Variants in PIEZO2 observed in about 807,000 individuals in gnomAD.
PIEZO2 encodes piezo type mechanosensitive ion channel component 2, also known as piezo-type mechanosensitive ion channel component 2.
In PIEZO2, 172 loss-of-function variants were observed where a neutral mutation model predicts 337.3. The observed-to-expected ratio is 0.51, with a 90% CI of 0.45 to 0.58. The LOEUF (loss-of-function observed/expected upper bound fraction) is 0.58. Among genes scored for constraint, PIEZO2 ranks in the 20% least tolerant of loss-of-function variants. The pLI, the probability that PIEZO2 is intolerant of heterozygous loss-of-function variation, is 0.00. For synonymous variants in PIEZO2, 1,251 were observed against 1,228.5 expected, an observed-to-expected ratio of 1.02 and a Z score of -0.38; for missense variants, 3,028 against 3,391.3, an observed-to-expected ratio of 0.89 and a Z score of 2.66.
chr18:10,766,845 C>T lies in PIEZO2; in HGVS notation c.2946+3303G>A, dbSNP rs1480265015. Among the ~76,000 whole-genome samples, 3 of 152,222 alleles carry T rather than the reference C, an allele frequency of 2.0e-5. No individual in the cohort carries two copies. Among genetic ancestry groups the T allele is most frequent in the Non-Finnish European group, 4.4e-5 (3 of 68,042 alleles). On this transcript the variant is annotated intron_variant, in intron 21 of 55. Coordinates refer to ENST00000674853, the MANE Select transcript of PIEZO2 (RefSeq NM_001378183.1). This position sits in a 1 kb window ranked among gnomAD's most constrained non-coding sequence, Gnocchi z 6.1. ...CTACACTAGCACCTAGCACCATGTA[C>T]GCATTCACTTTATTGTGAGTCCTTA...
chr18:10,879,435 G>A (rs2042354758), intron 4 of PIEZO2, among the ~76,000 whole-genome samples: 1 of 109,810 alleles, frequency 9.1e-6, no homozygotes, highest in Non-Finnish European at 1.7e-5. Flanking sequence ...TTGCGCTGTT[G>A]CCCAGGCTGG....
At position 10,704,445 on chromosome 18, in the gene PIEZO2, G is replaced by A. The variant is rs776951650; in HGVS notation, c.6207C>T (p.Ser2069=). The A allele has an allele frequency of 9.6e-5, 147 of 1,537,204 alleles. 1 individual carries two copies. Among genetic ancestry groups the A allele is most frequent in the Admixed American group, 5.7e-4 (29 of 50,996 alleles). The change falls in exon 42 of 56, where the codon TCC becomes TCT. Residue 2069 remains serine (S), a synonymous_variant. Transcript: ENST00000674853. ...AGAACCGGCGGCTGGGCCTGGGGAC[G>A]GACAACATGGCCCAGAGGAAGATGA... The part of the protein sequence containing the change: ...PILIFLWAML[S]VPRPSRRFWM...
At chr18:11,138,460 T>C (rs1309757345) in intron 1 of PIEZO2, among the ~76,000 whole-genome samples, 1 of 152,168 alleles carries the variant, frequency 6.6e-6, no homozygotes, top group Non-Finnish European at 1.5e-5. Context: ...CTCACCCAGC[T>C]AATTTTTGTA....
chr18:10,920,594 G>A (rs1204370379), intron 3 of PIEZO2, among the ~76,000 whole-genome samples: 8 of 152,076 alleles, frequency 5.3e-5, no homozygotes, highest in East Asian at 1.9e-4. Context: ...GTTACAACTC[G>A]TTCATACCCA....
At chr18:11,037,540 T>G (rs1265979454) in intron 2 of PIEZO2, among the ~76,000 whole-genome samples, 1 of 152,198 alleles carries the variant, frequency 6.6e-6, no homozygotes, top group East Asian at 1.9e-4. Context: ...AGTCCTAAAT[T>G]GTGAAATATG....
At chr18:10,681,590 A>G (rs2034266416) in intron 51 of PIEZO2, 71 bp downstream of exon 51, 4 of 1,294,518 alleles carry the variant, frequency 3.1e-6, no homozygotes, top group Non-Finnish European at 4.5e-6. Flanking sequence ...ATGGCAAAGC[A>G]TTAAATGACA....
chr18:10,848,748 C>G (rs114027169), intron 7 of PIEZO2, among the ~76,000 whole-genome samples: 2,732 of 152,266 alleles, frequency 0.018, 88 homozygotes, highest in African/African-American at 0.063. Context: ...GACAACTTAA[C>G]GAATTGTTCA....
rs1011401676 is a variant in PIEZO2, at chr18:10,677,994, C to T, written c.7953-119G>A. ...CACCACGTTTTCATTGGGTCCACAA[C>T]GGTCAATCCTGACCCTTTCAGTCTA... On this transcript the variant is annotated intron_variant, in intron 52 of 55. Transcript: ENST00000674853. This position sits in a 1 kb window ranked among gnomAD's most constrained non-coding sequence, Gnocchi z 4.1. 6.0e-6 allele frequency: 6 copies of T among 999,564 alleles called. No homozygotes were observed. The highest frequency in any genetic ancestry group is 3.5e-5 in the South Asian group (2 of 57,400). The allele number at this position is 999,564 out of a possible 1,614,324, so 61.9% of individuals were successfully genotyped here. A position where few individuals can be genotyped will look rare whatever the true frequency, so the allele number is the denominator to read the frequency against.
At position 11,001,936 on chromosome 18, in the gene PIEZO2, AG is replaced by A. The variant is rs2035556419; in HGVS notation, c.161-22277del. Reference sequence around the variant, plus strand: ...AAGGAAGGAAGGAAGGAAGGAAGGAAGGAAGGAAGGAAGAAAAAAAGACTTG... The same window carrying A: ...AAGGAAGGAAGGAAGGAAGGAAGGAAGAAGGAAGGAAGAAAAAAAGACTTG... On this transcript the variant is annotated intron_variant, in intron 2 of 55. Transcript: ENST00000674853. The surrounding 1 kb of genome is among the most constrained non-coding windows in gnomAD (Gnocchi z 5.3). Among the ~76,000 whole-genome samples, 1 of 151,058 alleles carries A rather than the reference AG, an allele frequency of 6.6e-6. No homozygotes were observed. Among genetic ancestry groups the A allele is most frequent in the African/African-American group, 2.4e-5 (1 of 41,088 alleles).
In PIEZO2 at chr18:11,084,898, G is replaced by A. The variant is rs186101323; in HGVS notation, c.65-18676C>T. Among the ~76,000 whole-genome samples the A allele has an allele frequency of 2.4e-3, 367 of 152,204 alleles. 2 individuals are homozygous for A. Among genetic ancestry groups the A allele is most frequent in the African/African-American group, 8.5e-3 (354 of 41,546 alleles). ...GTAATAACAATTATTGCAGTAAACC[G>A]ATTCTGTCACATATCAGCTGTCCTT... On this transcript the variant is annotated intron_variant, in intron 1 of 55. Transcript: ENST00000674853.
chr18:10,925,430 G>A (rs1440980428), intron 3 of PIEZO2, among the ~76,000 whole-genome samples: 1 of 152,122 alleles, frequency 6.6e-6, no homozygotes, highest in African/African-American at 2.4e-5. Flanking sequence ...AAATATAATG[G>A]ACAGTAGGAT....
intron 4 of PIEZO2, among the ~76,000 whole-genome samples, chr18:10,885,251 T>C (rs908068509): frequency 3.3e-5 from 5 of 151,880 alleles, no homozygotes; most frequent in Admixed American, 6.6e-5. Flanking sequence ...GGTGAAACCC[T>C]GTCTCTACTA....
chr18:11,115,064 G>A (rs114719352), intron 1 of PIEZO2, among the ~76,000 whole-genome samples: 6 of 152,234 alleles, frequency 3.9e-5, no homozygotes, highest in Admixed American at 2.0e-4. Flanking sequence ...ATGTTTTCCA[G>A]GTTGCTCTAT....
chr18:10,980,113 C>G lies in PIEZO2; in HGVS notation c.161-453G>C, dbSNP rs567654215. ...ATAAGGCTAGAAAAGAAAATTATAA[C>G]CCCATGTTACTCATAACATAGATAT... On this transcript the variant is annotated intron_variant, in intron 2 of 55. Coordinates refer to ENST00000674853, the MANE Select transcript of PIEZO2 (RefSeq NM_001378183.1). This position sits in a 1 kb window ranked among gnomAD's most constrained non-coding sequence, Gnocchi z 4.8. 6.6e-6 allele frequency among the ~76,000 whole-genome samples: 1 copy of G among 152,020 alleles called. No individual in the cohort carries two copies. The highest frequency in any genetic ancestry group is 1.5e-5 in the Non-Finnish European group (1 of 67,986).
intron 2 of PIEZO2, among the ~76,000 whole-genome samples, chr18:11,012,568 T>C (rs2035941955): frequency 6.6e-6 from 1 of 152,232 alleles, no homozygotes; most frequent in East Asian, 1.9e-4. Context: ...GGGCACCAGC[T>C]CAGGTGCTGA....
intron 2 of PIEZO2, among the ~76,000 whole-genome samples, chr18:11,005,659 GC>G (rs1467540015): frequency 6.6e-6 from 1 of 152,220 alleles, no homozygotes; most frequent in African/African-American, 2.4e-5. Flanking sequence ...GAGAGGCCCA[GC>G]TTAGCTGGCC....
chr18:11,101,331 G>A lies in PIEZO2; in HGVS notation c.65-35109C>T, dbSNP rs1015853452. 6.6e-6 allele frequency among the ~76,000 whole-genome samples: 1 copy of A among 152,222 alleles called. No individual in the cohort carries two copies. Among genetic ancestry groups the A allele is most frequent in the African/African-American group, 2.4e-5 (1 of 41,460 alleles). ...TCGAGTGCTGCACGTGGGTCCCCACGCACCACTTGCTGGCCCCATGAAGCA... is the reference window on the plus strand; with the variant it reads ...TCGAGTGCTGCACGTGGGTCCCCACACACCACTTGCTGGCCCCATGAAGCA... On this transcript the variant is annotated intron_variant, in intron 1 of 55. Coordinates refer to ENST00000674853, the MANE Select transcript of PIEZO2 (RefSeq NM_001378183.1). This position sits in a 1 kb window ranked among gnomAD's most constrained non-coding sequence, Gnocchi z 4.4.
chr18:10,832,566 T>C (rs1485775), intron 7 of PIEZO2, among the ~76,000 whole-genome samples: 43,045 of 152,054 alleles, frequency 0.28, 7,086 homozygotes, highest in Non-Finnish European at 0.38. Flanking sequence ...ATTGGCCCTG[T>C]GGAGATGGGA....
rs1041060816 is a variant in PIEZO2 at position 11,047,401 on chromosome 18, G to A, written c.160+18726C>T. On this transcript the variant is annotated intron_variant, in intron 2 of 55. Coordinates refer to ENST00000674853, the MANE Select transcript of PIEZO2 (RefSeq NM_001378183.1). The surrounding 1 kb of genome is among the most constrained non-coding windows in gnomAD (Gnocchi z 7.2). ...GCCGCGCAGTGCAGCAAAGGCTCCT[G>A]CCTATCCCACAAGACGGCCCGGGGG... Among the ~76,000 whole-genome samples the A allele has an allele frequency of 2.0e-5, 3 of 152,138 alleles. No individual in the cohort carries two copies. Among genetic ancestry groups the A allele is most frequent in the Non-Finnish European group, 4.4e-5 (3 of 68,034 alleles).
Sources: allele counts gnomAD v4.1 joint callset (sites outside exome capture counted in the v4.1 genomes callset), GRCh38; gene constraint gnomAD v4.1.1; non-coding constraint Gnocchi (gnomAD v3.1); transcripts MANE v1.5; gene names NCBI Gene and HGNC (gene_info 2026-07-23, HGNC 2026-07-21).